The following SLC24A2 variants were observed in gnomAD, a reference collection of about 807,000 sequenced individuals.
SLC24A2 encodes the protein sodium/potassium/calcium exchanger 2.
In SLC24A2, 36 loss-of-function variants were observed where a neutral mutation model predicts 62.0. That is an observed-to-expected ratio of 0.58 (90% CI 0.44 to 0.77). The LOEUF (loss-of-function observed/expected upper bound fraction) is 0.77, where lower values mean the gene tolerates loss of function less well. Ranked by LOEUF, SLC24A2 falls within the 30% of genes least tolerant of loss-of-function variation. The pLI, the probability that SLC24A2 is intolerant of heterozygous loss-of-function variation, is 0.00. For missense variants in SLC24A2, 846 were observed against 817.9 expected, an observed-to-expected ratio of 1.03 and a Z score of -0.42; for synonymous variants, 358 against 294.0, an observed-to-expected ratio of 1.22 and a Z score of -2.23.
chr9:19,654,762 C>A (rs1255117496), intron 2 of SLC24A2, among the ~76,000 whole-genome samples: 3 of 152,144 alleles, frequency 2.0e-5, no homozygotes, highest in African/African-American at 4.8e-5. Flanking sequence ...TCCATGATTG[C>A]AATGATGTCC....
At chr9:20,169,688 T>G in the SLC24A2 span, among the ~76,000 whole-genome samples, 1 of 147,764 alleles carries the variant, frequency 6.8e-6, no homozygotes, top group African/African-American at 2.6e-5. Flanking sequence ...ACAAGAGCCT[T>G]GAGCCCTAAA....
the SLC24A2 span, among the ~76,000 whole-genome samples, chr9:19,919,437 C>T: frequency 1.3e-5 from 2 of 152,002 alleles, no homozygotes; most frequent in African/African-American, 4.8e-5. Flanking sequence ...ACAAGGAAAG[C>T]ATTTAAAGAG....
At chr9:19,963,529 A>G in the SLC24A2 span, among the ~76,000 whole-genome samples, 32 of 152,234 alleles carry the variant, frequency 2.1e-4, no homozygotes, top group South Asian at 8.3e-4. Flanking sequence ...CAAGAAAAAA[A>G]CAAACAACCC....
the SLC24A2 span, among the ~76,000 whole-genome samples, chr9:20,065,851 T>C: frequency 6.6e-6 from 1 of 152,182 alleles, no homozygotes; most frequent in East Asian, 1.9e-4. Context: ...AGCTTAGGCT[T>C]TCTGATTTCT....
At chr9:19,826,132 G>A in the SLC24A2 span, among the ~76,000 whole-genome samples, 8 of 133,970 alleles carry the variant, frequency 6.0e-5, no homozygotes, top group Non-Finnish European at 9.3e-5. Flanking sequence ...TGATCATAAC[G>A]CAAAATATGA....
the SLC24A2 span, among the ~76,000 whole-genome samples, chr9:19,847,667 A>G: frequency 6.6e-6 from 1 of 152,184 alleles, no homozygotes; most frequent in Non-Finnish European, 1.5e-5. Context: ...CAAGCATGAT[A>G]TATATTTTGC....
chr9:19,534,109 A>C (rs1012875779), intron 8 of SLC24A2, among the ~76,000 whole-genome samples: 7 of 152,138 alleles, frequency 4.6e-5, no homozygotes, highest in African/African-American at 1.7e-4. Flanking sequence ...GAGGGGAAAA[A>C]ATTCGGTCCA....
chr9:19,714,438 C>CAAAATAAAAT (rs71335445), intron 2 of SLC24A2, among the ~76,000 whole-genome samples: 2 of 151,776 alleles, frequency 1.3e-5, no homozygotes, highest in Admixed American at 6.6e-5. Context: ...TAAAATAAAA[C>CAAAATAAAAT]AAAATAAAAT....
chr9:20,003,166 T>C, the SLC24A2 span, among the ~76,000 whole-genome samples: 1 of 152,214 alleles, frequency 6.6e-6, no homozygotes, highest in African/African-American at 2.4e-5. Context: ...GTATAAAGAA[T>C]GGTCACTGCA....
chr9:20,031,461 G>A, the SLC24A2 span, among the ~76,000 whole-genome samples: 2 of 150,220 alleles, frequency 1.3e-5, no homozygotes, highest in African/African-American at 2.4e-5. Flanking sequence ...ATGGTGCATT[G>A]AAATGCTAAG....
chr9:19,543,819 T>G (rs940512990), intron 8 of SLC24A2, among the ~76,000 whole-genome samples: 1 of 152,186 alleles, frequency 6.6e-6, no homozygotes, highest in Admixed American at 6.5e-5. Flanking sequence ...TTCCATTCTT[T>G]TGCATTTGCT....
At chr9:19,864,691 C>T in the SLC24A2 span, among the ~76,000 whole-genome samples, 4 of 152,004 alleles carry the variant, frequency 2.6e-5, no homozygotes, top group East Asian at 5.8e-4. Context: ...CATATCTCAG[C>T]ATAATAAAAG....
intron 7 of SLC24A2, among the ~76,000 whole-genome samples, chr9:19,554,321 TACAG>T (rs1834979568): frequency 2.6e-5 from 4 of 152,284 alleles, no homozygotes; most frequent in African/African-American, 7.2e-5. Context: ...TAAAAAGCAA[TACAG>T]TGTAACAACT....
the SLC24A2 span, among the ~76,000 whole-genome samples, chr9:20,006,119 G>C: frequency 1.1e-4 from 17 of 151,418 alleles, 1 homozygote; most frequent in African/African-American, 3.9e-4. Context: ...TATACACATA[G>C]TATGTTAATT....
At chr9:19,597,118 A>T in intron 5 of SLC24A2, 111 bp downstream of exon 5, 1 of 765,248 alleles carries the variant, frequency 1.3e-6, no homozygotes, top group South Asian at 1.5e-5. Flanking sequence ...AGTAAGTCAC[A>T]CAATGTCACT....
intron 2 of SLC24A2, among the ~76,000 whole-genome samples, chr9:19,784,813 T>C (rs1443355447): frequency 1.3e-5 from 2 of 152,202 alleles, no homozygotes; most frequent in African/African-American, 2.4e-5. Context: ...AGTAGAAATA[T>C]TGCTAGTGTT....
At chr9:19,674,956 T>C (rs1336941769) in intron 2 of SLC24A2, among the ~76,000 whole-genome samples, 3 of 152,240 alleles carry the variant, frequency 2.0e-5, no homozygotes, top group African/African-American at 7.2e-5. Flanking sequence ...ACCAGGATTG[T>C]TTTTCTGGTT....
At chr9:20,303,823 T>C in the SLC24A2 span, among the ~76,000 whole-genome samples, 1 of 152,230 alleles carries the variant, frequency 6.6e-6, no homozygotes, top group Non-Finnish European at 1.5e-5. Flanking sequence ...AACCTCACTG[T>C]GTTCCTAGTC....
chr9:19,989,012 A>C, the SLC24A2 span, among the ~76,000 whole-genome samples: 1 of 152,236 alleles, frequency 6.6e-6, no homozygotes, highest in Non-Finnish European at 1.5e-5. Flanking sequence ...AGAGAAATAA[A>C]AGATGTCCTA....
Sources: allele counts gnomAD v4.1 joint callset (sites outside exome capture counted in the v4.1 genomes callset), GRCh38; gene constraint gnomAD v4.1.1; transcripts MANE v1.5; gene names NCBI Gene and HGNC (gene_info 2026-07-23, HGNC 2026-07-21).